The following TSPAN11 variants were observed in gnomAD, a reference collection of about 807,000 sequenced individuals.
TSPAN11 encodes the protein tetraspanin-11.
Under a neutral mutation model 32.9 loss-of-function variants are expected in TSPAN11, and 29 were observed. That is an observed-to-expected ratio of 0.88 (90% CI 0.66 to 1.20). The LOEUF (loss-of-function observed/expected upper bound fraction) is 1.20. TSPAN11 is among the 50% of genes most tolerant of loss of function. TSPAN11 has a pLI of 0.00. For missense variants in TSPAN11, 283 were observed against 329.1 expected, an observed-to-expected ratio of 0.86 and a Z score of 1.08; for synonymous variants, 140 against 141.3, an observed-to-expected ratio of 0.99 and a Z score of 0.07.
At chr12:31,015,749 T>C in the TSPAN11 span, 1 of 152,180 alleles carries the variant, frequency 6.6e-6, no homozygotes, top group Non-Finnish European at 1.5e-5. This position sits in a 1 kb window ranked among gnomAD's most constrained non-coding sequence, Gnocchi z 4.9. Context: ...ACTTTATTAC[T>C]ACAATTATTA....
chr12:30,936,760 T>C (rs1938053415), intron 1 of TSPAN11, among the ~76,000 whole-genome samples: 1 of 152,198 alleles, frequency 6.6e-6, no homozygotes, highest in African/African-American at 2.4e-5. Context: ...AGGGAGCCTG[T>C]GGTCATGGGC....
chr12:30,938,458 G>A (rs1223414895), intron 1 of TSPAN11, among the ~76,000 whole-genome samples: 2 of 152,238 alleles, frequency 1.3e-5, no homozygotes, highest in African/African-American at 4.8e-5. Flanking sequence ...GGGCAGGGAA[G>A]GATGGGTAGT....
At chr12:31,006,370 C>A in the TSPAN11 span, among the ~76,000 whole-genome samples, 3 of 152,254 alleles carry the variant, frequency 2.0e-5, no homozygotes, top group African/African-American at 7.2e-5. Context: ...GAGTATCAAG[C>A]CTCCCCTGCC....
chr12:31,013,212 GACAA>G, the TSPAN11 span, among the ~76,000 whole-genome samples: 3 of 152,284 alleles, frequency 2.0e-5, no homozygotes, highest in Middle Eastern at 3.4e-3. Context: ...GATAAGGAGG[GACAA>G]ATCCCTTCTA....
At chr12:30,956,280 G>A (rs1439048573) in intron 2 of TSPAN11, among the ~76,000 whole-genome samples, 1 of 152,202 alleles carries the variant, frequency 6.6e-6, no homozygotes, top group African/African-American at 2.4e-5. Flanking sequence ...ATACACTGAA[G>A]CATAAAGAAT....
At chr12:30,974,309 A>G (rs759701) in intron 3 of TSPAN11, among the ~76,000 whole-genome samples, 9,406 of 152,276 alleles carry the variant, frequency 0.062, 672 homozygotes, top group East Asian at 0.28. Flanking sequence ...CACTGCTGGC[A>G]TTTTGTGCCA....
chr12:30,951,403 T>G (rs1269821680), intron 1 of TSPAN11, among the ~76,000 whole-genome samples: 1 of 152,246 alleles, frequency 6.6e-6, no homozygotes, highest in African/African-American at 2.4e-5. Flanking sequence ...GTCGCTCCCC[T>G]TCCTCCTTTG....
chr12:30,978,876 A>G (rs1197061274), intron 4 of TSPAN11: 2 of 531,888 alleles, frequency 3.8e-6, no homozygotes, highest in Non-Finnish European at 3.3e-6. Context: ...GGGCTTCCCA[A>G]GGGACATTGC....
In TSPAN11 at chr12:30,975,824, T is replaced by C. The variant is rs1025637129; in HGVS notation, c.277-2737T>C. Among the ~76,000 whole-genome samples, 1 of 152,166 alleles carries C rather than the reference T, an allele frequency of 6.6e-6. No homozygotes were observed. Among genetic ancestry groups the C allele is most frequent in the African/African-American group, 2.4e-5 (1 of 41,438 alleles). On this transcript the variant is annotated intron_variant, in intron 3 of 7. Coordinates refer to ENST00000546076, the MANE Select transcript of TSPAN11 (RefSeq NM_001370302.1). This position sits in a 1 kb window ranked among gnomAD's most constrained non-coding sequence, Gnocchi z 4.5. Reference sequence around the variant, plus strand: ...GTGGCTCTCCTAGCTGCCAGCAGCCTGGGTGCTCCTGTCAGGGGCACTCCA... The same window carrying C: ...GTGGCTCTCCTAGCTGCCAGCAGCCCGGGTGCTCCTGTCAGGGGCACTCCA...
the TSPAN11 span, among the ~76,000 whole-genome samples, chr12:31,013,493 A>G: frequency 6.6e-6 from 1 of 152,034 alleles, no homozygotes; most frequent in African/African-American, 2.4e-5. Context: ...ATGAGGTGAG[A>G]GGATCATCTG....
At chr12:30,932,941 CT>C (rs1424291094) in intron 1 of TSPAN11, among the ~76,000 whole-genome samples, 2 of 152,226 alleles carry the variant, frequency 1.3e-5, no homozygotes, top group Admixed American at 1.3e-4. Flanking sequence ...CGCTGCCTTT[CT>C]GATTCCCAGT....
intron 2 of TSPAN11, among the ~76,000 whole-genome samples, chr12:30,957,488 A>ATG (rs1199418992): frequency 6.6e-6 from 1 of 152,132 alleles, no homozygotes; most frequent in East Asian, 1.9e-4. Flanking sequence ...AATTGGTTAA[A>ATG]TGGGCACTAA....
the TSPAN11 span, among the ~76,000 whole-genome samples, chr12:31,006,923 C>T: frequency 6.6e-6 from 1 of 152,212 alleles, no homozygotes; most frequent in African/African-American, 2.4e-5. Context: ...GTGGGGCCCA[C>T]GATTTCCCCT....
intron 1 of TSPAN11, among the ~76,000 whole-genome samples, chr12:30,936,920 G>A (rs1412942783): frequency 6.6e-6 from 1 of 152,218 alleles, no homozygotes; most frequent in Non-Finnish European, 1.5e-5. Context: ...CCTTAAAGGT[G>A]TAAACCAGGA....
At position 30,936,942 on chromosome 12, in the gene TSPAN11, C is replaced by T. The variant is rs138916965; in HGVS notation, c.-12+10146C>T. 4.2e-3 allele frequency among the ~76,000 whole-genome samples: 639 copies of T among 152,172 alleles called. 12 individuals are homozygous for T. The highest frequency in any genetic ancestry group is 0.015 in the African/African-American group (613 of 41,500). ...GGTGTAAACCAGGAAGAGGACGAGTCGATGAGGCCAAGGAAGAAAGGACAG... is the reference window on the plus strand; with the variant it reads ...GGTGTAAACCAGGAAGAGGACGAGTTGATGAGGCCAAGGAAGAAAGGACAG... On this transcript the variant is annotated intron_variant, in intron 1 of 7. Coordinates refer to ENST00000546076, the MANE Select transcript of TSPAN11 (RefSeq NM_001370302.1).
chr12:30,986,843 T>TGA (rs944539960), intron 7 of TSPAN11: 1 of 152,124 alleles, frequency 6.6e-6, no homozygotes, highest in Non-Finnish European at 1.5e-5. Flanking sequence ...GGCCACGCTG[T>TGA]GAGAGAGAGA....
chr12:30,982,925 C>A (rs1592494779), intron 6 of TSPAN11, 139 bp from the exon 7 acceptor site: 1 of 1,101,636 alleles, frequency 9.1e-7, no homozygotes, highest in South Asian at 1.4e-5. Context: ...CTCAAGTAGC[C>A]TGTGAGCAAT....
chr12:31,001,379 C>T (rs1037166790), downstream of TSPAN11, among the ~76,000 whole-genome samples: 3 of 152,108 alleles, frequency 2.0e-5, no homozygotes, highest in East Asian at 3.9e-4. Context: ...CTCCTTCTCC[C>T]CAGGTTGGGT....
chr12:30,954,068 T>C lies in TSPAN11; in HGVS notation c.77T>C (p.Phe26Ser). The C allele has an allele frequency of 6.2e-7, 1 of 1,612,480 alleles. No homozygotes were observed. The highest frequency in any genetic ancestry group is 8.5e-7 in the Non-Finnish European group (1 of 1,178,784). Reference protein sequence around the residue: ...LKYLLFVFNFFFWVGGAAVLA... With the variant: ...LKYLLFVFNFSFWVGGAAVLA... ...TATTTACTCTTTGTCTTCAACTTCT[T>C]CTTCTGGGTGAGTGAATTCTGCACA... is the stretch of plus-strand genomic sequence containing the variant. Residue 26 changes from phenylalanine (F) to serine (S), a missense_variant, in exon 2 of 8, where the codon TTC (phenylalanine) becomes TCC (serine). Physicochemically the swap from Phe to Ser is radical, Grantham distance 155. Transcript: ENST00000546076.
Sources: gnomAD v4.1 joint callset for allele counts (sites outside exome capture counted in the v4.1 genomes callset) on GRCh38, gnomAD v4.1.1 for gene constraint, Gnocchi (gnomAD v3.1) non-coding constraint, MANE v1.5 for transcripts, NCBI Gene and HGNC (gene_info 2026-07-23, HGNC 2026-07-21) for gene names.